Variants in ARHGAP30 observed in about 807,000 individuals in gnomAD.
ARHGAP30 encodes the protein Rho GTPase activating protein 30.
A neutral mutation model predicts 72.0 loss-of-function variants in ARHGAP30; 23 were observed. The observed-to-expected ratio is 0.32, with a 90% CI of 0.23 to 0.45. ARHGAP30 has a LOEUF of 0.45. Ranked by LOEUF, ARHGAP30 falls within the 20% of genes least tolerant of loss-of-function variation. ARHGAP30 has a pLI of 1.00. For synonymous variants in ARHGAP30, 576 were observed against 528.2 expected (o/e 1.09, Z -1.24); for missense variants, 1,319 against 1,383.4 (o/e 0.95, Z 0.74).
intron 10 of ARHGAP30, among the ~76,000 whole-genome samples, chr1:161,050,931 G>A (rs1392825558): frequency 6.6e-6 from 1 of 152,120 alleles, no homozygotes; most frequent in Non-Finnish European, 1.5e-5. Flanking sequence ...CATGAGCCAC[G>A]GCGCCTGGCT....
At chr1:161,054,009 A>C (rs992504882) in intron 5 of ARHGAP30, among the ~76,000 whole-genome samples, 38 of 152,198 alleles carry the variant, frequency 2.5e-4, no homozygotes, top group African/African-American at 9.2e-4. Flanking sequence ...CGGAGTTTGC[A>C]GTGAGTTGAG....
chr1:161,055,385 C>G (rs1185299500), intron 3 of ARHGAP30, among the ~76,000 whole-genome samples: 1 of 152,104 alleles, frequency 6.6e-6, no homozygotes, highest in African/African-American at 2.4e-5. Flanking sequence ...CCCATCTACT[C>G]AGGAGGCTGA....
chr1:161,066,054 G>A (rs373994229), intron 1 of ARHGAP30, among the ~76,000 whole-genome samples: 4 of 143,220 alleles, frequency 2.8e-5, no homozygotes, highest in Non-Finnish European at 6.1e-5. Flanking sequence ...TAGTAGAGAC[G>A]GAATCTCACC....
Position 161,069,852 on chromosome 1 carries a change from A to G in ARHGAP30, c.-228T>C. 1 of 575,720 alleles carries G rather than the reference A, an allele frequency of 1.7e-6. No homozygotes were observed. Among genetic ancestry groups the G allele is most frequent in the Non-Finnish European group, 3.1e-6 (1 of 320,386 alleles). 35.7% of individuals were successfully genotyped at this position (575,720 alleles called of 1,614,324 possible). On this transcript the variant is annotated 5_prime_UTR_variant, in exon 1 of 12. Transcript: ENST00000368013. The surrounding 1 kb of genome is among the most constrained non-coding windows in gnomAD (Gnocchi z 4.9). ...AGAGGAAGCTACCAGGACCCTGGCA[A>G]GAAATTGTGTCCTGTGTCTCGTGGC...
In ARHGAP30 at chr1:161,047,716, C is replaced by T. The variant is rs145721081; in HGVS notation, c.3305G>A (p.Ter1102=). The T allele has an allele frequency of 4.0e-6, 6 of 1,516,480 alleles. No homozygotes were observed. Among genetic ancestry groups the T allele is most frequent in the Non-Finnish European group, 5.3e-6 (6 of 1,133,034 alleles). The allele number at this position is 1,516,480 out of a possible 1,614,324, so 93.9% of individuals were successfully genotyped here. A position where few individuals can be genotyped will look rare whatever the true frequency, so the allele number is the denominator to read the frequency against. ...QANPGKGEGL[*] The stretch of plus-strand genomic sequence containing the variant: ...CTTTGCCCAGGGCTGTGGTCCTAAT[C>T]ACAGTCCTTCACCTTTCCCAGGGTT... Residue 1102 remains the stop codon, a stop_retained_variant, in exon 12 of 12, where the codon TGA becomes TAA. Coordinates refer to ENST00000368013, the MANE Select transcript of ARHGAP30 (RefSeq NM_001025598.2).
intron 1 of ARHGAP30, among the ~76,000 whole-genome samples, chr1:161,063,382 C>G (rs1240992010): frequency 2.6e-5 from 4 of 152,196 alleles, no homozygotes; most frequent in Non-Finnish European, 1.5e-5. Flanking sequence ...TTTCTTATGC[C>G]TGTCTTTACT....
In ARHGAP30 at chr1:161,060,697, CTT is replaced by C. The variant is rs1311336285; in HGVS notation, c.98-983_98-982del. On this transcript the variant is annotated intron_variant, in intron 1 of 11. Transcript: ENST00000368013. ...TTGGTAGGGGAGGCAGAGTCAAGGA[CTT>C]TTTTTTTTTTTTTTTTTTTTGAGAC... Among the ~76,000 whole-genome samples, 847 of 103,406 alleles carry C rather than the reference CTT, an allele frequency of 8.2e-3. 1 individual carries two copies. The highest frequency in any genetic ancestry group is 0.026 in the African/African-American group (578 of 22,130). The allele number at this position is 103,406 out of a possible 152,430, so 67.8% of individuals were successfully genotyped here. A position where few individuals can be genotyped will look rare whatever the true frequency, so the allele number is the denominator to read the frequency against.
intron 1 of ARHGAP30, among the ~76,000 whole-genome samples, chr1:161,065,148 T>C (rs1487580966): frequency 1.3e-5 from 2 of 152,178 alleles, no homozygotes; most frequent in African/African-American, 4.8e-5. Flanking sequence ...CTAATTTTTA[T>C]GTTATTTAGT....
intron 1 of ARHGAP30, among the ~76,000 whole-genome samples, chr1:161,067,750 A>G (rs77814460): frequency 6.6e-6 from 1 of 152,126 alleles, no homozygotes; most frequent in Non-Finnish European, 1.5e-5. Flanking sequence ...ATCAGGGAGG[A>G]TAAATTAAGC....
intron 1 of ARHGAP30, among the ~76,000 whole-genome samples, chr1:161,063,998 G>C (rs968615334): frequency 2.6e-5 from 4 of 152,222 alleles, no homozygotes; most frequent in Non-Finnish European, 4.4e-5. Context: ...AACTTCATTA[G>C]CAATTTTAAT....
At position 161,047,671 on chromosome 1, in the gene ARHGAP30, C is replaced by G. The variant is rs1650955421; in HGVS notation, c.*44G>C. On this transcript the variant is annotated 3_prime_UTR_variant, in exon 12 of 12. Coordinates refer to ENST00000368013, the MANE Select transcript of ARHGAP30 (RefSeq NM_001025598.2). The stretch of plus-strand genomic sequence containing the variant: ...CAGCTAGTCAGGAACCCTGGAGATT[C>G]AAGACAACTTGCTGGTCCCCTTTGC... 1 of 1,492,418 alleles carries G rather than the reference C, an allele frequency of 6.7e-7. No homozygotes were observed. The highest frequency in any genetic ancestry group is 8.9e-7 in the Non-Finnish European group (1 of 1,120,518). The allele number at this position is 1,492,418 out of a possible 1,614,324, so 92.4% of individuals were successfully genotyped here.
Position 161,048,819 on chromosome 1 carries a change from C to A in ARHGAP30, c.2202G>T (p.Val734=). The part of the protein sequence containing the change: ...KKADSMEAKG[V]EEPGGDEYTD... ...TATACTCATCTCCTCCTGGTTCCTC[C>A]ACACCTTTAGCCTCCATACTGTCAG... Residue 734 remains valine, a synonymous_variant, in exon 12 of 12, where the codon GTG becomes GTT. Transcript: ENST00000368013. 1.2e-6 allele frequency: 2 copies of A among 1,614,132 alleles called. No individual in the cohort carries two copies. Among genetic ancestry groups the A allele is most frequent in the South Asian group, 2.2e-5 (2 of 91,076 alleles).
intron 6 of ARHGAP30, 80 bp from the exon 7 acceptor site, chr1:161,052,877 C>G (rs866627205): frequency 6.6e-7 from 1 of 1,512,862 alleles, no homozygotes; most frequent in East Asian, 2.3e-5. Flanking sequence ...CATCACCCCT[C>G]GCCAACTACC....
chr1:161,056,810 C>T (rs1651910143), intron 2 of ARHGAP30, among the ~76,000 whole-genome samples: 1 of 152,108 alleles, frequency 6.6e-6, no homozygotes, highest in South Asian at 2.1e-4. Flanking sequence ...TGTAGCAGTA[C>T]AAGGGTCTGT....
rs1557935239 is a variant in ARHGAP30 at position 161,064,820 on chromosome 1, AAAGAAAGAAAGAGAAAGAAAGAAAG to A, written c.97+4683_97+4707del. 4.9e-5 allele frequency among the ~76,000 whole-genome samples: 3 copies of A among 60,748 alleles called. No homozygotes were observed. The East Asian group carries it at 1.5e-3, about 30-fold the overall frequency. The allele number at this position is 60,748 out of a possible 152,430, so 39.9% of individuals were successfully genotyped here. On this transcript the variant is annotated intron_variant, in intron 1 of 11. Coordinates refer to ENST00000368013, the MANE Select transcript of ARHGAP30 (RefSeq NM_001025598.2). ...GAAAGAAAGAAAGAAAGAAAGAAAG[AAAGAAAGAAAGAGAAAGAAAGAAAG>A]AAAGGAAAGGAAGGAGAGGAAGGAG...
At chr1:161,055,424 T>C (rs1157556412) in intron 3 of ARHGAP30, among the ~76,000 whole-genome samples, 1 of 151,906 alleles carries the variant, frequency 6.6e-6, no homozygotes, top group African/African-American at 2.4e-5. Flanking sequence ...GCCTGGGAGA[T>C]TGAGGTTGCA....
intron 3 of ARHGAP30, among the ~76,000 whole-genome samples, chr1:161,055,452 C>T (rs1321837523): frequency 6.6e-6 from 1 of 151,938 alleles, no homozygotes; most frequent in Non-Finnish European, 1.5e-5. Flanking sequence ...GTGATCACAC[C>T]ACTGCACTCC....
At chr1:161,055,298 C>T (rs1651739091) in intron 3 of ARHGAP30, among the ~76,000 whole-genome samples, 3 of 152,090 alleles carry the variant, frequency 2.0e-5, no homozygotes, top group Non-Finnish European at 2.9e-5. Flanking sequence ...TTGAGACCAG[C>T]GTGGGCAACA....
chr1:161,050,857 G>T (rs1205695026), intron 10 of ARHGAP30, among the ~76,000 whole-genome samples: 1 of 152,084 alleles, frequency 6.6e-6, no homozygotes, highest in Non-Finnish European at 1.5e-5. Flanking sequence ...GGGCAGGCTG[G>T]TCTTGAACTC....
Sources: gnomAD v4.1 joint callset for allele counts (sites outside exome capture counted in the v4.1 genomes callset) on GRCh38, gnomAD v4.1.1 for gene constraint, Gnocchi (gnomAD v3.1) non-coding constraint, MANE v1.5 for transcripts, NCBI Gene and HGNC (gene_info 2026-07-23, HGNC 2026-07-21) for gene names.